ACVR1C: variants seen among roughly 807,000 people sequenced by gnomAD.
ACVR1C encodes the protein activin A receptor type 1C.
Under a neutral mutation model 57.9 loss-of-function variants are expected in ACVR1C, and 23 were observed. The ratio of observed to expected loss-of-function variants is 0.40; its 90% CI spans 0.29 to 0.56. ACVR1C has a LOEUF of 0.56. Ranked by LOEUF, ACVR1C falls within the 20% of genes least tolerant of loss-of-function variation. The pLI is 0.50. For synonymous variants in ACVR1C, 214 were observed against 215.3 expected, an observed-to-expected ratio of 0.99 and a Z score of 0.05; for missense variants, 480 against 607.9, an observed-to-expected ratio of 0.79 and a Z score of 2.21.
At chr2:157,591,059 C>T (rs7601153) in intron 1 of ACVR1C, among the ~76,000 whole-genome samples, 2 of 151,692 alleles carry the variant, frequency 1.3e-5, no homozygotes, top group African/African-American at 2.4e-5. Context: ...ACTACCGAAG[C>T]GGGTAAAGTC....
intron 1 of ACVR1C, 25 bp downstream of exon 1, chr2:157,628,547 G>A (rs550608289): frequency 2.5e-6 from 4 of 1,603,262 alleles, no homozygotes; most frequent in African/African-American, 1.3e-5. Context: ...CCTCGCGGGC[G>A]TCGGGAGAGA....
Position 157,542,846 on chromosome 2 carries a change from A to G in ACVR1C, c.960T>C (p.Ala320=), listed in dbSNP as rs1687654253. 4 of 1,613,868 alleles carry G rather than the reference A, an allele frequency of 2.5e-6. No individual in the cohort carries two copies. Among genetic ancestry groups the G allele is most frequent in the African/African-American group, 1.3e-5 (1 of 74,904 alleles). Residue 320 remains alanine (A), a synonymous_variant, in exon 6 of 9, where the codon GCT becomes GCC. Coordinates refer to ENST00000243349, the MANE Select transcript of ACVR1C (RefSeq NM_145259.3). ...IVGTQGKPAI[A]HRDIKSKNIL... is the part of the protein sequence containing the mutation. The stretch of plus-strand genomic sequence containing the variant: ...TATTCTTTGATTTTATGTCTCGATG[A>G]GCAATAGCAGGTTTACCTATGAAGC...
chr2:157,580,066 A>AAC (rs371320436), intron 2 of ACVR1C, among the ~76,000 whole-genome samples: 64 of 149,618 alleles, frequency 4.3e-4, no homozygotes, highest in African/African-American at 1.1e-3. Flanking sequence ...TCTTGCAATT[A>AAC]ACACACACAC....
At chr2:157,607,481 AT>A (rs938541079) in intron 1 of ACVR1C, among the ~76,000 whole-genome samples, 5 of 151,390 alleles carry the variant, frequency 3.3e-5, no homozygotes, top group Admixed American at 1.3e-4. Context: ...GAATTTTAGG[AT>A]TTTTTTTATA....
At chr2:157,577,171 A>G (rs1445896368) in intron 2 of ACVR1C, among the ~76,000 whole-genome samples, 1 of 152,028 alleles carries the variant, frequency 6.6e-6, no homozygotes, top group Non-Finnish European at 1.5e-5. Context: ...TTTCTTAATG[A>G]GAATATATTT....
intron 4 of ACVR1C, among the ~76,000 whole-genome samples, chr2:157,548,912 G>A (rs1687838180): frequency 6.6e-6 from 1 of 152,186 alleles, no homozygotes; most frequent in Non-Finnish European, 1.5e-5. Flanking sequence ...AATATTTTCA[G>A]AAAATTTGAG....
Position 157,547,398 on chromosome 2 carries a change from C to T in ACVR1C, c.775+2764G>A, listed in dbSNP as rs1687788722. 3.8e-5 allele frequency among the ~76,000 whole-genome samples: 2 copies of T among 53,250 alleles called. 1 individual carries two copies. Among genetic ancestry groups the T allele is most frequent in the South Asian group, 1.5e-3 (2 of 1,294 alleles). The allele number at this position is 53,250 out of a possible 152,430, so 34.9% of individuals were successfully genotyped here. On this transcript the variant is annotated intron_variant, in intron 4 of 8. Transcript: ENST00000243349. The stretch of plus-strand genomic sequence containing the variant: ...GATCCCTGAGGAATCGCCACACTGA[C>T]TTCCACAATGGTTGAACTAGTTTAC...
Position 157,539,699 on chromosome 2 carries a change from T to A in ACVR1C, c.1226-996A>T, listed in dbSNP as rs532553333. Among the ~76,000 whole-genome samples, 5 of 152,324 alleles carry A rather than the reference T, an allele frequency of 3.3e-5. No homozygotes were observed. The South Asian group carries it at 1.0e-3, about 32-fold the overall frequency. On this transcript the variant is annotated intron_variant, in intron 7 of 8. Coordinates refer to ENST00000243349, the MANE Select transcript of ACVR1C (RefSeq NM_145259.3). ...CTGACTAAAGAAGGTACAACATTAT[T>A]TCTGTTTTATAGATGAGGAAACTGA...
intron 3 of ACVR1C, among the ~76,000 whole-genome samples, chr2:157,554,229 A>AAGAAAGAG (rs1688008606): frequency 7.7e-6 from 1 of 130,660 alleles, no homozygotes; most frequent in Non-Finnish European, 1.5e-5. Context: ...GAAAGAAAGA[A>AAGAAAGAG]AGAAAGAAAG....
At chr2:157,594,283 A>G (rs1336946471) in intron 1 of ACVR1C, among the ~76,000 whole-genome samples, 1 of 152,140 alleles carries the variant, frequency 6.6e-6, no homozygotes, top group Non-Finnish European at 1.5e-5. Context: ...CCTCACCTGT[A>G]AAATGAGGAG....
At chr2:157,583,061 A>T (rs1024148392) in intron 2 of ACVR1C, among the ~76,000 whole-genome samples, 1 of 152,014 alleles carries the variant, frequency 6.6e-6, no homozygotes, top group Non-Finnish European at 1.5e-5. Context: ...GGGTTTCACC[A>T]TGTTGGCCAG....
chr2:157,566,185 A>G (rs1688369934), intron 2 of ACVR1C, among the ~76,000 whole-genome samples: 1 of 152,192 alleles, frequency 6.6e-6, no homozygotes, highest in Non-Finnish European at 1.5e-5. Context: ...TCTTAAATCA[A>G]CCCTTTACAT....
At chr2:157,595,628 T>C (rs1400092059) in intron 1 of ACVR1C, among the ~76,000 whole-genome samples, 1 of 152,218 alleles carries the variant, frequency 6.6e-6, no homozygotes, top group African/African-American at 2.4e-5. Context: ...TGGTGTTTAA[T>C]GGATTCCAAT....
intron 1 of ACVR1C, among the ~76,000 whole-genome samples, chr2:157,594,631 G>A (rs529626384): frequency 6.6e-6 from 1 of 152,244 alleles, no homozygotes; most frequent in South Asian, 2.1e-4. Context: ...GGGGAAAAGT[G>A]ATAGAGGCCT....
chr2:157,576,636 A>G (rs1050011889), intron 2 of ACVR1C, among the ~76,000 whole-genome samples: 3 of 152,146 alleles, frequency 2.0e-5, no homozygotes, highest in African/African-American at 7.2e-5. Context: ...CAAAGTTAGG[A>G]TGCTTGCACA....
At chr2:157,583,274 T>C (rs1398348161) in intron 2 of ACVR1C, among the ~76,000 whole-genome samples, 1 of 152,206 alleles carries the variant, frequency 6.6e-6, no homozygotes, top group East Asian at 1.9e-4. Context: ...AAAAATACCA[T>C]TCACACTAGC....
intron 2 of ACVR1C, among the ~76,000 whole-genome samples, chr2:157,572,270 GAC>G: frequency 7.0e-6 from 1 of 142,846 alleles, no homozygotes; most frequent in African/African-American, 2.6e-5. Flanking sequence ...AATGCTAGAT[GAC>G]ATGTTAGTGG....
intron 4 of ACVR1C, among the ~76,000 whole-genome samples, chr2:157,548,762 A>G (rs1428083163): frequency 6.6e-6 from 1 of 152,234 alleles, no homozygotes; most frequent in African/African-American, 2.4e-5. Flanking sequence ...GACTTGCTCC[A>G]TGAAACTCAA....
At chr2:157,534,288 ACAGG>A (rs1434147691) in intron 8 of ACVR1C, among the ~76,000 whole-genome samples, 1 of 152,162 alleles carries the variant, frequency 6.6e-6, no homozygotes, top group Non-Finnish European at 1.5e-5. Context: ...TAGCTGGGAC[ACAGG>A]CATGCACCGC....
Sources: allele counts gnomAD v4.1 joint callset (sites outside exome capture counted in the v4.1 genomes callset), GRCh38; gene constraint gnomAD v4.1.1; transcripts MANE v1.5; gene names NCBI Gene and HGNC (gene_info 2026-07-23, HGNC 2026-07-21).